LSAMP: variants seen among roughly 807,000 people sequenced by gnomAD.
LSAMP encodes the protein limbic system associated membrane protein.
A neutral mutation model predicts 38.6 loss-of-function variants in LSAMP; 7 were observed. The ratio of observed to expected loss-of-function variants is 0.18; its 90% CI spans 0.10 to 0.34. The LOEUF (loss-of-function observed/expected upper bound fraction) is 0.34. Among genes scored for constraint, LSAMP ranks in the 10% least tolerant of loss-of-function variants. The pLI is 1.00. For missense variants in LSAMP, 313 were observed against 420.0 expected (o/e 0.75, Z 2.23); for synonymous variants, 154 against 166.8 (o/e 0.92, Z 0.59).
chr3:115,908,227 TTATATA>T (rs550487861), intron 3 of LSAMP, among the ~76,000 whole-genome samples: 1 of 151,772 alleles, frequency 6.6e-6, no homozygotes, highest in Non-Finnish European at 1.5e-5. Flanking sequence ...TCCCCTCAGT[TTATATA>T]TATATAAGTG....
At chr3:115,919,384 CA>C (rs1329627355) in intron 3 of LSAMP, among the ~76,000 whole-genome samples, 1 of 152,090 alleles carries the variant, frequency 6.6e-6, no homozygotes, top group Non-Finnish European at 1.5e-5. Context: ...TTAATCATAC[CA>C]GCTGAGAAAG....
intron 1 of LSAMP, among the ~76,000 whole-genome samples, chr3:116,168,010 C>G (rs888528024): frequency 2.0e-5 from 3 of 152,182 alleles, no homozygotes; most frequent in Non-Finnish European, 4.4e-5. Flanking sequence ...GGAAAACCAA[C>G]TCTGTCCCAA....
intron 1 of LSAMP, among the ~76,000 whole-genome samples, chr3:116,285,775 T>C (rs369817712): frequency 3.3e-5 from 5 of 152,182 alleles, no homozygotes; most frequent in Admixed American, 3.3e-4. Context: ...AGAAATGCCT[T>C]CTTTTTTTTC....
chr3:116,342,057 G>A (rs1486278746), intron 1 of LSAMP, among the ~76,000 whole-genome samples: 1 of 151,984 alleles, frequency 6.6e-6, no homozygotes, highest in Non-Finnish European at 1.5e-5. Flanking sequence ...AAGCACCTAA[G>A]AGGGGATAGG....
At chr3:116,415,090 G>GA (rs66962956) in intron 1 of LSAMP, among the ~76,000 whole-genome samples, 54 of 147,996 alleles carry the variant, frequency 3.6e-4, no homozygotes, top group Middle Eastern at 3.5e-3. Context: ...CACTAAAAAC[G>GA]AAAAAAAAAA....
intron 3 of LSAMP, among the ~76,000 whole-genome samples, chr3:115,931,340 G>A (rs1937577623): frequency 6.6e-6 from 1 of 152,188 alleles, no homozygotes; most frequent in Non-Finnish European, 1.5e-5. Context: ...TTTTCATGGA[G>A]GTCATGACTA....
At chr3:116,272,699 T>G (rs2046990439) in intron 1 of LSAMP, among the ~76,000 whole-genome samples, 1 of 152,176 alleles carries the variant, frequency 6.6e-6, no homozygotes, top group South Asian at 2.1e-4. Flanking sequence ...CGTTATTTTC[T>G]GCATGATATT....
At chr3:115,814,407 A>AT (rs1474649892) in intron 6 of LSAMP, among the ~76,000 whole-genome samples, 2 of 152,156 alleles carry the variant, frequency 1.3e-5, no homozygotes, top group Non-Finnish European at 2.9e-5. Context: ...GGATATGAGA[A>AT]TTTTTTTGGC....
intron 1 of LSAMP, among the ~76,000 whole-genome samples, chr3:116,291,666 G>C (rs1490537280): frequency 6.6e-6 from 1 of 152,082 alleles, no homozygotes; most frequent in African/African-American, 2.4e-5. Context: ...AGCTTTGATG[G>C]TTTCTTTCTT....
At chr3:116,404,676 T>C (rs1473857784) in intron 1 of LSAMP, among the ~76,000 whole-genome samples, 1 of 152,188 alleles carries the variant, frequency 6.6e-6, no homozygotes, top group African/African-American at 2.4e-5. Context: ...TATAATTTAA[T>C]TTAATAAAAC....
intron 1 of LSAMP, among the ~76,000 whole-genome samples, chr3:116,181,672 C>G (rs535568766): frequency 3.9e-4 from 59 of 152,096 alleles, no homozygotes; most frequent in African/African-American, 1.4e-3. Context: ...TCACAAAGCA[C>G]TTTCAGACAA....
Position 115,804,610 on chromosome 3 carries a change from A to T in LSAMP, c.*5707T>A, listed in dbSNP as rs1933589458. 2 of 152,056 alleles carry T rather than the reference A, an allele frequency of 1.3e-5. No individual in the cohort carries two copies. Among genetic ancestry groups the T allele is most frequent in the Admixed American group, 6.6e-5 (1 of 15,258 alleles). The allele number at this position is 152,056 out of a possible 1,614,324, so 9.4% of individuals were successfully genotyped here. On this transcript the variant is annotated 3_prime_UTR_variant, in exon 7 of 7. Coordinates refer to ENST00000490035, the MANE Select transcript of LSAMP (RefSeq NM_002338.5). The stretch of plus-strand genomic sequence containing the variant: ...TTTTCTTTTTTTTTCTCTTAGGTAG[A>T]TTAGTGCATTTAAAGCCTGAAGTTA...
In LSAMP at chr3:116,065,126, T is replaced by A. The variant is rs1325219381; in HGVS notation, c.388+21198A>T. ...AGAAGACAACATATCCCAAAAAAAG[T>A]CTCCTGTAAACATATGGATAACGTT... is the stretch of plus-strand genomic sequence containing the variant. On this transcript the variant is annotated intron_variant, in intron 2 of 6. Coordinates refer to ENST00000490035, the MANE Select transcript of LSAMP (RefSeq NM_002338.5). 2.0e-5 allele frequency among the ~76,000 whole-genome samples: 3 copies of A among 152,158 alleles called. No individual in the cohort carries two copies. In the East Asian group the frequency reaches 5.8e-4, roughly 29 times the overall value.
At chr3:115,853,588 A>G (rs763073215) in intron 3 of LSAMP, among the ~76,000 whole-genome samples, 3 of 152,212 alleles carry the variant, frequency 2.0e-5, no homozygotes, top group Non-Finnish European at 4.4e-5. Flanking sequence ...GAAATAAGGA[A>G]GAAGTAGAGA....
intron 6 of LSAMP, among the ~76,000 whole-genome samples, chr3:115,838,976 G>T (rs1934890809): frequency 6.6e-6 from 1 of 152,126 alleles, no homozygotes; most frequent in South Asian, 2.1e-4. Flanking sequence ...CTCACGAGCT[G>T]CCTGTTCTTC....
At chr3:115,906,962 C>G (rs1937021948) in intron 3 of LSAMP, among the ~76,000 whole-genome samples, 1 of 152,064 alleles carries the variant, frequency 6.6e-6, no homozygotes, top group Non-Finnish European at 1.5e-5. Context: ...AAGAGGTAAA[C>G]AACAATCCTA....
At chr3:116,370,497 C>G (rs2048416055) in intron 1 of LSAMP, among the ~76,000 whole-genome samples, 1 of 152,150 alleles carries the variant, frequency 6.6e-6, no homozygotes, top group Non-Finnish European at 1.5e-5. Context: ...TTTGTCCAAT[C>G]TCATCAATTA....
At chr3:116,235,490 A>T (rs1352767315) in intron 1 of LSAMP, among the ~76,000 whole-genome samples, 1 of 152,122 alleles carries the variant, frequency 6.6e-6, no homozygotes, top group Non-Finnish European at 1.5e-5. Flanking sequence ...AAAGGGAAGG[A>T]GAGAGGAAGA....
intron 1 of LSAMP, among the ~76,000 whole-genome samples, chr3:116,258,499 T>TCTAAG (rs1387893128): frequency 6.6e-6 from 1 of 152,038 alleles, no homozygotes; most frequent in Non-Finnish European, 1.5e-5. Context: ...GATGAATTTT[T>TCTAAG]CTAAGCTTTT....
Sources: gnomAD v4.1 joint callset for allele counts (sites outside exome capture counted in the v4.1 genomes callset) on GRCh38, gnomAD v4.1.1 for gene constraint, MANE v1.5 for transcripts, NCBI Gene and HGNC (gene_info 2026-07-23, HGNC 2026-07-21) for gene names.